DSCAM: variants seen among roughly 807,000 people sequenced by gnomAD.
DSCAM encodes cell adhesion molecule DSCAM.
In DSCAM, 47 loss-of-function variants were observed where a neutral mutation model predicts 217.7. The observed-to-expected ratio is 0.22, with a 90% CI of 0.17 to 0.28. The LOEUF is 0.28. DSCAM is among the 10% of genes least tolerant of loss of function. The pLI is 1.00. For missense variants in DSCAM, 2,080 were observed against 2,618.3 expected (o/e 0.79, Z 4.49); for synonymous variants, 1,056 against 1,015.3 (o/e 1.04, Z -0.76).
chr21:40,773,669 G>C (rs2091464986), intron 1 of DSCAM, among the ~76,000 whole-genome samples: 1 of 152,218 alleles, frequency 6.6e-6, no homozygotes, highest in Non-Finnish European at 1.5e-5. Context: ...GTAAGCAAAA[G>C]AAAGCACAGG....
intron 3 of DSCAM, among the ~76,000 whole-genome samples, chr21:40,677,241 C>T (rs891340515): frequency 4.0e-5 from 6 of 151,736 alleles, no homozygotes; most frequent in Non-Finnish European, 7.4e-5. Context: ...TAAAAAGAAG[C>T]AGAGGAAACC....
At chr21:40,766,268 A>G (rs1286389289) in intron 1 of DSCAM, among the ~76,000 whole-genome samples, 1 of 151,952 alleles carries the variant, frequency 6.6e-6, no homozygotes, top group Admixed American at 6.5e-5. Context: ...AATTCTCCCC[A>G]TTTTCCCCAT....
At position 40,369,231 on chromosome 21, in the gene DSCAM, T is replaced by C. The variant is rs758885871; in HGVS notation, c.523A>G (p.Ile175Val). ...ATATACAAGGCTCCCGTGGATGTGA[T>C]GAGAAATCTAGATCCTGAAATAGAG... ...VSLVSGSRFL[I>V]TSTGALYIKD... Residue 175 changes from isoleucine (I) to valine (V), a missense_variant, in exon 4 of 33, where the codon ATC becomes GTC. Physicochemically the swap from Ile to Val is conservative, Grantham distance 29. Around this residue, in one of 5 missense-constraint regions of DSCAM, gnomAD observed 568 missense variants for 678.1 expected, o/e 0.84. Coordinates refer to ENST00000400454, the MANE Select transcript of DSCAM (RefSeq NM_001389.5). 3 of 1,609,006 alleles carry C rather than the reference T, an allele frequency of 1.9e-6. No homozygotes were observed. The African/African-American group carries it at 4.0e-5, about 22-fold the overall frequency.
rs1271378273 is a variant in DSCAM, at chr21:40,733,775, T to C, written c.44-25004A>G. Among the ~76,000 whole-genome samples, 3 of 152,146 alleles carry C rather than the reference T, an allele frequency of 2.0e-5. No homozygotes were observed. The East Asian group carries it at 5.8e-4, about 29-fold the overall frequency. On this transcript the variant is annotated intron_variant, in intron 1 of 32. Transcript: ENST00000400454. ...CTGCTCCACTCTCCCCATGTTAAGT[T>C]GCAGCAAGACCCTGCTTGTGGTTGG...
At chr21:40,540,767 G>A (rs1040628808) in intron 3 of DSCAM, among the ~76,000 whole-genome samples, 1 of 151,902 alleles carries the variant, frequency 6.6e-6, no homozygotes, top group African/African-American at 2.4e-5. Context: ...ATCCCTCTTC[G>A]ATCAACTTCA....
At chr21:40,388,562 A>G (rs2075107016) in intron 3 of DSCAM, among the ~76,000 whole-genome samples, 2 of 152,158 alleles carry the variant, frequency 1.3e-5, no homozygotes, top group Non-Finnish European at 2.9e-5. Flanking sequence ...CTTGCTCTTT[A>G]CAGTTTCCAT....
intron 1 of DSCAM, among the ~76,000 whole-genome samples, chr21:40,735,154 T>C (rs916239302): frequency 2.6e-5 from 4 of 152,240 alleles, no homozygotes; most frequent in African/African-American, 9.6e-5. Flanking sequence ...GATCCACGTG[T>C]TTTTCTCCTC....
At chr21:40,768,106 T>C (rs541182942) in intron 1 of DSCAM, among the ~76,000 whole-genome samples, 1 of 152,346 alleles carries the variant, frequency 6.6e-6, no homozygotes, top group East Asian at 1.9e-4. Context: ...TTTTAGGGAA[T>C]CATCCAGGTA....
intron 4 of DSCAM, among the ~76,000 whole-genome samples, chr21:40,359,575 T>C (rs1485205715): frequency 1.3e-5 from 2 of 152,198 alleles, no homozygotes; most frequent in African/African-American, 4.8e-5. Context: ...AACCCAAATA[T>C]TCATAATTTA....
intron 32 of DSCAM, among the ~76,000 whole-genome samples, chr21:40,017,627 G>A (rs562811346): frequency 8.6e-5 from 13 of 151,204 alleles, no homozygotes; most frequent in Middle Eastern, 3.4e-3. Flanking sequence ...AACTCGGTTC[G>A]CCACAACCTC....
At chr21:40,738,868 A>T (rs1437108304) in intron 1 of DSCAM, among the ~76,000 whole-genome samples, 1 of 152,188 alleles carries the variant, frequency 6.6e-6, no homozygotes, top group Non-Finnish European at 1.5e-5. Context: ...TCAACTCGCC[A>T]TCCCTCAGCA....
In DSCAM at chr21:40,251,747, G is replaced by A. The variant is rs556561119; in HGVS notation, c.2356+24350C>T. On this transcript the variant is annotated intron_variant, in intron 11 of 32. Transcript: ENST00000400454. ...ACTTTCTTCTAATCACTTAAATATG[G>A]CAAAGATAGTGGGACATCATTTCCT... Among the ~76,000 whole-genome samples, 9 of 152,242 alleles carry A rather than the reference G, an allele frequency of 5.9e-5. No individual in the cohort carries two copies. In the South Asian group the frequency reaches 1.7e-3, roughly 28 times the overall value.
chr21:40,391,595 G>T (rs1447444549), intron 3 of DSCAM, among the ~76,000 whole-genome samples: 1 of 152,164 alleles, frequency 6.6e-6, no homozygotes, highest in Non-Finnish European at 1.5e-5. Context: ...TTCATACTGT[G>T]GAGTTTTTCT....
chr21:40,434,145 A>G (rs2075562127), intron 3 of DSCAM, among the ~76,000 whole-genome samples: 1 of 152,146 alleles, frequency 6.6e-6, no homozygotes, highest in African/African-American at 2.4e-5. Flanking sequence ...TTTCCTTTTA[A>G]TCATGTTTAC....
At chr21:40,054,109 A>T (rs1486917377) in intron 29 of DSCAM, among the ~76,000 whole-genome samples, 1 of 152,244 alleles carries the variant, frequency 6.6e-6, no homozygotes, top group African/African-American at 2.4e-5. Context: ...GGAAATTTTC[A>T]GTTTTAATGC....
intron 3 of DSCAM, among the ~76,000 whole-genome samples, chr21:40,605,791 C>CTTTTTTTTTTTTTTTTTTTTTTTTTTT (rs755767800): frequency 3.2e-5 from 2 of 62,006 alleles, no homozygotes; most frequent in African/African-American, 1.3e-4. Context: ...AATGCACATT[C>CTTTTTTTTTTTTTTTTTTTTTTTTTTT]TTTTTTTTTT....
In DSCAM at chr21:40,047,994, A is replaced by G. The variant is rs188376906; in HGVS notation, c.5186-3719T>C. Among the ~76,000 whole-genome samples the G allele has an allele frequency of 2.4e-4, 37 of 152,234 alleles. No individual in the cohort carries two copies. The East Asian group carries it at 4.6e-3, about 19-fold the overall frequency. On this transcript the variant is annotated intron_variant, in intron 30 of 32. Transcript: ENST00000400454. ...TACATATTCTATATGTAGTATCTCT[A>G]CCTAAAGGCCATGTAGAATGACTGA...
At chr21:40,498,669 A>C (rs1318675508) in intron 3 of DSCAM, among the ~76,000 whole-genome samples, 7 of 3,380 alleles carry the variant, frequency 2.1e-3, no homozygotes, top group African/African-American at 7.8e-3. Context: ...ATATATACCC[A>C]TATATATATA....
At chr21:40,617,892 T>C (rs2089425914) in intron 3 of DSCAM, among the ~76,000 whole-genome samples, 1 of 152,178 alleles carries the variant, frequency 6.6e-6, no homozygotes, top group South Asian at 2.1e-4. Flanking sequence ...TGCAGAGCAA[T>C]GCCAGACAGA....
Sources: gnomAD v4.1 joint callset for allele counts (sites outside exome capture counted in the v4.1 genomes callset) on GRCh38, gnomAD v4.1.1 for gene constraint, gnomAD v4.1.1 regional missense constraint, MANE v1.5 for transcripts, NCBI Gene and HGNC (gene_info 2026-07-23, HGNC 2026-07-21) for gene names.